Variants in KCNIP4 observed in about 807,000 individuals in gnomAD.
KCNIP4 encodes the protein potassium voltage-gated channel interacting protein 4, also known as Kv channel-interacting protein 4.
In KCNIP4, 12 loss-of-function variants were observed where a neutral mutation model predicts 34.0. That is an observed-to-expected ratio of 0.35 (90% CI 0.23 to 0.57). KCNIP4 has a LOEUF of 0.57. KCNIP4 is among the 20% of genes least tolerant of loss of function. KCNIP4 has a pLI of 0.83. For missense variants in KCNIP4, 238 were observed against 311.7 expected (o/e 0.76, Z 1.78); for synonymous variants, 124 against 102.2 (o/e 1.21, Z -1.29).
At chr4:21,947,858 A>G (rs1287148398) in intron 1 of KCNIP4, among the ~76,000 whole-genome samples, 1 of 152,238 alleles carries the variant, frequency 6.6e-6, no homozygotes. Flanking sequence ...GTGGAAGGGC[A>G]TCGTCTCCTA....
At chr4:21,057,461 T>G (rs888499637) in intron 1 of KCNIP4, among the ~76,000 whole-genome samples, 1 of 152,144 alleles carries the variant, frequency 6.6e-6, no homozygotes, top group African/African-American at 2.4e-5. Context: ...TCAAATAATT[T>G]CTACACAAAG....
At chr4:21,093,196 C>T (rs994893336) in intron 1 of KCNIP4, among the ~76,000 whole-genome samples, 3 of 152,154 alleles carry the variant, frequency 2.0e-5, no homozygotes, top group African/African-American at 7.2e-5. Context: ...CATGACCCTT[C>T]ATAAAAGCAG....
intron 1 of KCNIP4, among the ~76,000 whole-genome samples, chr4:21,114,783 A>C (rs1039180318): frequency 6.6e-6 from 1 of 152,142 alleles, no homozygotes; most frequent in Non-Finnish European, 1.5e-5. Context: ...AAGGTTAAGG[A>C]ATTTGCTCAA....
chr4:21,716,207 G>A (rs1261242373), intron 1 of KCNIP4, among the ~76,000 whole-genome samples: 5 of 152,044 alleles, frequency 3.3e-5, no homozygotes, highest in Admixed American at 6.6e-5. Context: ...CTCAGTTTAC[G>A]TATGGGGCCA....
chr4:20,749,597 C>T lies in KCNIP4; in HGVS notation c.429+65G>A, dbSNP rs73802309. ...GCAAAAATAATCATCACCAAACTCA[C>T]ATTTTCCCCCTAAAAAGACTAAACT... On this transcript the variant is annotated intron_variant, in intron 5 of 8. Coordinates refer to ENST00000382152, the MANE Select transcript of KCNIP4 (RefSeq NM_025221.6). The T allele has an allele frequency of 1.1e-3, 1,303 of 1,142,322 alleles. 8 individuals are homozygous for T. The African/African-American group carries it at 0.016, about 14-fold the overall frequency. 70.8% of individuals were successfully genotyped at this position (1,142,322 alleles called of 1,614,324 possible). A position where few individuals can be genotyped will look rare whatever the true frequency, so the allele number is the denominator to read the frequency against.
intron 1 of KCNIP4, among the ~76,000 whole-genome samples, chr4:20,942,151 T>C (rs1192090267): frequency 6.6e-6 from 1 of 152,212 alleles, no homozygotes; most frequent in African/African-American, 2.4e-5. Context: ...ATAGCAATAA[T>C]GGAAACGTTT....
intron 1 of KCNIP4, among the ~76,000 whole-genome samples, chr4:21,323,144 GTA>G (rs747961833): frequency 3.6e-4 from 28 of 77,818 alleles, no homozygotes; most frequent in Non-Finnish European, 4.3e-4. Context: ...TCTTTTGTAA[GTA>G]TATATATATA....
chr4:21,676,373 A>G (rs1749898575), intron 1 of KCNIP4, among the ~76,000 whole-genome samples: 1 of 152,248 alleles, frequency 6.6e-6, no homozygotes, highest in South Asian at 2.1e-4. Context: ...GTTGTCCTCA[A>G]GTCTTGTCAA....
chr4:21,391,564 C>T (rs1457360248), intron 1 of KCNIP4, among the ~76,000 whole-genome samples: 1 of 152,120 alleles, frequency 6.6e-6, no homozygotes, highest in Non-Finnish European at 1.5e-5. Flanking sequence ...AATTCACACT[C>T]CTCAGCATGC....
At chr4:21,218,769 G>C (rs532931740) in intron 1 of KCNIP4, among the ~76,000 whole-genome samples, 1 of 152,222 alleles carries the variant, frequency 6.6e-6, no homozygotes, top group South Asian at 2.1e-4. Context: ...CTCTCACTGT[G>C]AACCTTGAGG....
chr4:21,620,797 A>G (rs565616968), intron 1 of KCNIP4, among the ~76,000 whole-genome samples: 20 of 152,290 alleles, frequency 1.3e-4, no homozygotes, highest in African/African-American at 4.8e-4. Context: ...GCTGTTGCCC[A>G]TGTACTTAGC....
intron 1 of KCNIP4, among the ~76,000 whole-genome samples, chr4:21,092,019 TA>T (rs1386940602): frequency 1.3e-5 from 2 of 152,212 alleles, no homozygotes; most frequent in Non-Finnish European, 2.9e-5. Flanking sequence ...ACACAGTTAG[TA>T]AATGGCAGCA....
At chr4:20,821,169 C>T (rs1238910072) in intron 3 of KCNIP4, among the ~76,000 whole-genome samples, 2 of 152,186 alleles carry the variant, frequency 1.3e-5, no homozygotes, top group African/African-American at 4.8e-5. Flanking sequence ...TGGGTCCCAA[C>T]CCCCACTCAG....
intron 1 of KCNIP4, among the ~76,000 whole-genome samples, chr4:21,121,720 A>G (rs1750175206): frequency 6.6e-6 from 1 of 152,234 alleles, no homozygotes; most frequent in African/African-American, 2.4e-5. Context: ...CAACAAGCAT[A>G]TTGCCCAAAA....
intron 1 of KCNIP4, among the ~76,000 whole-genome samples, chr4:21,934,449 G>A (rs1048136668): frequency 6.6e-6 from 1 of 151,980 alleles, no homozygotes; most frequent in Non-Finnish European, 1.5e-5. Context: ...CTTCCCACCA[G>A]GCTCCACCTT....
At chr4:21,238,816 T>A (rs1404005259) in intron 1 of KCNIP4, among the ~76,000 whole-genome samples, 1 of 152,160 alleles carries the variant, frequency 6.6e-6, no homozygotes, top group African/African-American at 2.4e-5. Flanking sequence ...AGGTAATTTA[T>A]AAATTCAATG....
At chr4:20,770,316 A>T (rs1413682541) in intron 3 of KCNIP4, among the ~76,000 whole-genome samples, 1 of 152,210 alleles carries the variant, frequency 6.6e-6, no homozygotes, top group Non-Finnish European at 1.5e-5. Flanking sequence ...CCAAAATTCA[A>T]TATTTTTTAT....
chr4:20,905,235 G>A (rs563720762), intron 1 of KCNIP4, among the ~76,000 whole-genome samples: 4 of 152,106 alleles, frequency 2.6e-5, no homozygotes, highest in South Asian at 4.1e-4. Context: ...GTCTTGTATC[G>A]ATGAGCACCT....
chr4:21,115,193 A>G (rs1560735837), intron 1 of KCNIP4, among the ~76,000 whole-genome samples: 1 of 152,082 alleles, frequency 6.6e-6, no homozygotes. Flanking sequence ...GTGCATATTA[A>G]ACTCCCAGGC....
Sources: gnomAD v4.1 joint callset for allele counts (sites outside exome capture counted in the v4.1 genomes callset) on GRCh38, gnomAD v4.1.1 for gene constraint, MANE v1.5 for transcripts, NCBI Gene and HGNC (gene_info 2026-07-23, HGNC 2026-07-21) for gene names.